Variants in MROH1 observed in about 807,000 individuals in gnomAD.
The protein encoded by MROH1 is maestro heat like repeat family member 1, also known as maestro heat-like repeat-containing protein family member 1.
In MROH1, 117 loss-of-function variants were observed where a neutral mutation model predicts 116.5. The ratio of observed to expected loss-of-function variants is 1.00; its 90% confidence interval spans 0.86 to 1.17. The LOEUF (loss-of-function observed/expected upper bound fraction) is 1.17, where lower values mean the gene tolerates loss of function less well. MROH1 is among the 50% of genes most tolerant of loss of function. The pLI is 0.00. For missense variants in MROH1, 1,873 were observed against 1,338.5 expected (o/e 1.40, Z -6.23); for synonymous variants, 921 against 583.9 (o/e 1.58, Z -8.32).
At chr8:144,186,148 T>C (rs1222125303) in intron 7 of MROH1, among the ~76,000 whole-genome samples, 52 of 130,528 alleles carry the variant, frequency 4.0e-4, no homozygotes, top group Non-Finnish European at 7.1e-4. Flanking sequence ...GGAGACAGGG[T>C]CTCACTCTGT....
intron 13 of MROH1, among the ~76,000 whole-genome samples, chr8:144,220,930 G>C (rs1275486476): frequency 1.3e-5 from 2 of 152,170 alleles, no homozygotes; most frequent in Middle Eastern, 3.2e-3. Flanking sequence ...CCCTCCTTCA[G>C]GCTCAGTTGT....
intron 7 of MROH1, among the ~76,000 whole-genome samples, chr8:144,181,363 A>G (rs1298206105): frequency 1.5e-5 from 2 of 134,652 alleles, no homozygotes; most frequent in African/African-American, 6.9e-5. Context: ...ATGTTTTCGA[A>G]GCATGGAGGG....
At chr8:144,260,886 C>T (rs1186709389) in intron 40 of MROH1, 21 bp from the exon 41 acceptor site, 8 of 777,334 alleles carry the variant, frequency 1.0e-5, no homozygotes, top group African/African-American at 3.4e-5. Flanking sequence ...CTGGACTTGG[C>T]CCCAGTGCCG....
chr8:144,175,353 C>G (rs925271291), intron 4 of MROH1: 96 of 438,970 alleles, frequency 2.2e-4, no homozygotes, highest in Admixed American at 1.8e-3. Context: ...GCCCCTCCCC[C>G]CCTCCCAGCA....
chr8:144,261,414 T>G, intron 43 of MROH1, 65 bp downstream of exon 43: 1 of 700,282 alleles, frequency 1.4e-6, no homozygotes, highest in Non-Finnish European at 2.6e-6. Flanking sequence ...CCGCAGGGAC[T>G]AAGTGATTTT....
At chr8:144,187,700 T>C (rs368978392) in intron 7 of MROH1, among the ~76,000 whole-genome samples, 7 of 152,074 alleles carry the variant, frequency 4.6e-5, no homozygotes, top group Admixed American at 2.6e-4. Flanking sequence ...GAGTCAACCA[T>C]TGGGTTTGCG....
chr8:144,238,805 G>A lies in MROH1; in HGVS notation c.1388G>A (p.Arg463Gln), dbSNP rs905355451. 1.4e-5 allele frequency: 11 copies of A among 774,842 alleles called. No homozygotes were observed. The highest frequency in any genetic ancestry group is 4.0e-5 in the South Asian group (3 of 74,560). The allele number at this position is 774,842 out of a possible 1,614,324, so 48.0% of individuals were successfully genotyped here. A position where few individuals can be genotyped will look rare whatever the true frequency, so the allele number is the denominator to read the frequency against. Residue 463 changes from arginine to glutamine, a missense_variant, in exon 15 of 44, where the codon CGG (arginine) becomes CAG (glutamine). Transcript: ENST00000326134. ...AAGGACCCCAAGGCCGACAGCGTGC[G>A]GGCCATCAGCGTGCGCACCCTCTAC... ...GSKDPKADSV[R>Q]AISVRTLYLV...
intron 35 of MROH1, among the ~76,000 whole-genome samples, chr8:144,257,617 G>A (rs1393109652): frequency 1.3e-5 from 2 of 152,140 alleles, no homozygotes; most frequent in African/African-American, 4.8e-5. Context: ...CCTGCATGAG[G>A]GCCTCACACA....
chr8:144,190,945 G>A lies in MROH1; in HGVS notation c.714+10G>A, dbSNP rs377014823. On this transcript the variant is annotated intron_variant, in intron 8 of 43. Coordinates refer to ENST00000326134, the MANE Select transcript of MROH1 (RefSeq NM_032450.3). Reference sequence around the variant, plus strand: ...GAGTCGAGAAGCCAAGGTATGCCCCGTGGCTGCATCAGTCCACGCCTGATG... The same window carrying A: ...GAGTCGAGAAGCCAAGGTATGCCCCATGGCTGCATCAGTCCACGCCTGATG... 66 of 1,611,650 alleles carry A rather than the reference G, an allele frequency of 4.1e-5. No individual in the cohort carries two copies. The highest frequency in any genetic ancestry group is 2.2e-4 in the East Asian group (10 of 44,848).
At chr8:144,240,190 G>A (rs1243042666) in intron 19 of MROH1, 37 bp downstream of exon 19, 11 of 751,642 alleles carry the variant, frequency 1.5e-5, no homozygotes, top group Non-Finnish European at 2.7e-5. Context: ...GGGCCTTAAG[G>A]TGTTGTCTGG....
chr8:144,149,508 G>A (rs1229660715), intron 1 of MROH1, among the ~76,000 whole-genome samples: 1 of 152,130 alleles, frequency 6.6e-6, no homozygotes, highest in Non-Finnish European at 1.5e-5. Flanking sequence ...GCTGTCTCCT[G>A]TGTCAGGAAA....
intron 26 of MROH1, 98 bp from the exon 27 acceptor site, chr8:144,244,124 A>C: frequency 1.4e-6 from 1 of 701,226 alleles, no homozygotes. Flanking sequence ...CAGAGTAAAC[A>C]TGGCAGTGGC....
At chr8:144,242,194 G>T (rs1841121936) in intron 22 of MROH1, 175 bp from the exon 23 acceptor site, 2 of 701,880 alleles carry the variant, frequency 2.8e-6, no homozygotes, top group Non-Finnish European at 5.2e-6. Flanking sequence ...TTGCAAAGAG[G>T]CTCTCCCCAT....
At chr8:144,149,599 G>A (rs1816241329) in intron 1 of MROH1, among the ~76,000 whole-genome samples, 1 of 152,064 alleles carries the variant, frequency 6.6e-6, no homozygotes, top group Admixed American at 6.6e-5. Flanking sequence ...CTGTCTCGTA[G>A]CCCCCCTTTC....
At chr8:144,179,367 G>A (rs1282875314) in intron 4 of MROH1, 88 bp from the exon 5 acceptor site, 6 of 1,554,074 alleles carry the variant, frequency 3.9e-6, no homozygotes, top group Non-Finnish European at 5.2e-6. Context: ...GATTTGTGCG[G>A]TTTCATCTTG....
At chr8:144,168,270 T>C (rs1821453029) in intron 3 of MROH1, 25 bp from the exon 4 acceptor site, 1 of 1,569,932 alleles carries the variant, frequency 6.4e-7, no homozygotes, top group African/African-American at 1.3e-5. Flanking sequence ...GGCCTGAGCA[T>C]GCTAACCAGG....
In MROH1 at chr8:144,183,232, A is replaced by C. The variant is rs187131666; in HGVS notation, c.562+2709A>C. The stretch of plus-strand genomic sequence containing the variant: ...ATCGTTAGAAAAAATATTTTTAAAA[A>C]TTTGCCAGGTATGGTAGCACATGCC... On this transcript the variant is annotated intron_variant, in intron 7 of 43. Transcript: ENST00000326134. Among the ~76,000 whole-genome samples the C allele has an allele frequency of 5.3e-5, 8 of 151,650 alleles. No individual in the cohort carries two copies. The East Asian group carries it at 1.4e-3, about 26-fold the overall frequency.
Position 144,261,101 on chromosome 8 carries a change from G to A in MROH1, c.4672-13G>A. 1 of 775,510 alleles carries A rather than the reference G, an allele frequency of 1.3e-6. No homozygotes were observed. Among genetic ancestry groups the A allele is most frequent in the Non-Finnish European group, 2.4e-6 (1 of 417,642 alleles). 48.0% of individuals were successfully genotyped at this position (775,510 alleles called of 1,614,324 possible). ...GGGCGGGGCCAGGCGGCACTGACCA[G>A]GCCTCTCCCCAGATGCACCATTTCC... On this transcript the variant is annotated splice_polypyrimidine_tract_variant and intron_variant, in intron 41 of 43. Coordinates refer to ENST00000326134, the MANE Select transcript of MROH1 (RefSeq NM_032450.3).
intron 14 of MROH1, among the ~76,000 whole-genome samples, chr8:144,231,809 C>G (rs1838943939): frequency 6.6e-6 from 1 of 152,252 alleles, no homozygotes; most frequent in Non-Finnish European, 1.5e-5. Flanking sequence ...AGACCTTCCA[C>G]TTGGTTAAAA....
Sources: gnomAD v4.1 joint callset for allele counts (sites outside exome capture counted in the v4.1 genomes callset) on GRCh38, gnomAD v4.1.1 for gene constraint, MANE v1.5 for transcripts, NCBI Gene and HGNC (gene_info 2026-07-23, HGNC 2026-07-21) for gene names.